Variants in WDR70 observed in about 807,000 individuals in gnomAD.
WDR70 encodes WD repeat-containing protein 70.
Under a neutral mutation model 88.6 loss-of-function variants are expected in WDR70, and 53 were observed. The ratio of observed to expected loss-of-function variants is 0.60; its 90% CI spans 0.48 to 0.75. The LOEUF is 0.75. WDR70 is among the 30% of genes least tolerant of loss of function. The pLI is 0.00. For synonymous variants in WDR70, 280 were observed against 270.0 expected (o/e 1.04, Z -0.36); for missense variants, 610 against 823.2 (o/e 0.74, Z 3.17).
At chr5:37,499,299 A>G (rs1372415106) in intron 8 of WDR70, among the ~76,000 whole-genome samples, 3 of 151,828 alleles carry the variant, frequency 2.0e-5, no homozygotes, top group East Asian at 3.9e-4. Flanking sequence ...TTTTTAGTAG[A>G]GATGGGGTTT....
At chr5:37,388,055 AT>A (rs944094577) in intron 3 of WDR70, among the ~76,000 whole-genome samples, 14 of 151,946 alleles carry the variant, frequency 9.2e-5, no homozygotes, top group East Asian at 1.9e-4. Flanking sequence ...AATGGTACAA[AT>A]TTTTTTTAAT....
chr5:37,535,970 T>C (rs184340293), intron 9 of WDR70, among the ~76,000 whole-genome samples: 7 of 152,282 alleles, frequency 4.6e-5, no homozygotes, highest in Admixed American at 3.9e-4. Context: ...AAGATGCAAA[T>C]CTCTTTTATA....
At chr5:37,682,632 G>A (rs943593106) in intron 10 of WDR70, among the ~76,000 whole-genome samples, 6 of 151,292 alleles carry the variant, frequency 4.0e-5, no homozygotes, top group Non-Finnish European at 5.9e-5. Flanking sequence ...GTTGTATCTC[G>A]TTAGTTTCAA....
chr5:37,718,830 G>A (rs951809279), intron 13 of WDR70, among the ~76,000 whole-genome samples: 1 of 152,156 alleles, frequency 6.6e-6, no homozygotes, highest in African/African-American at 2.4e-5. Context: ...CTTGGGATAT[G>A]TTGCCAAACA....
At chr5:37,747,313 A>G (rs1261526257) in intron 17 of WDR70, among the ~76,000 whole-genome samples, 1 of 152,174 alleles carries the variant, frequency 6.6e-6, no homozygotes, top group Non-Finnish European at 1.5e-5. Context: ...AAATAAAACC[A>G]CGAGATACCA....
At chr5:37,696,786 G>A (rs1746995648) in intron 10 of WDR70, among the ~76,000 whole-genome samples, 2 of 152,182 alleles carry the variant, frequency 1.3e-5, no homozygotes, top group South Asian at 4.1e-4. Flanking sequence ...ACTTTTTGAG[G>A]TAATTGACTT....
At chr5:37,444,334 C>A (rs1219067767) in intron 7 of WDR70, among the ~76,000 whole-genome samples, 3 of 54,666 alleles carry the variant, frequency 5.5e-5, no homozygotes, top group African/African-American at 1.3e-4. Flanking sequence ...GCCAGCCTTT[C>A]TCTTTTTTTT....
chr5:37,628,783 T>C (rs1021471790), intron 10 of WDR70, among the ~76,000 whole-genome samples: 3 of 152,254 alleles, frequency 2.0e-5, no homozygotes, highest in African/African-American at 7.2e-5. Flanking sequence ...CCCTTACTTA[T>C]CATTTTTATG....
intron 17 of WDR70, among the ~76,000 whole-genome samples, chr5:37,751,317 A>G (rs573025010): frequency 8.1e-4 from 123 of 152,382 alleles, no homozygotes; most frequent in Admixed American, 2.4e-3. Flanking sequence ...TATAGATATC[A>G]TAACAGTGTC....
chr5:37,615,348 G>C lies in WDR70; in HGVS notation c.1092+10110G>C, dbSNP rs1009632640. Among the ~76,000 whole-genome samples the C allele has an allele frequency of 3.4e-4, 51 of 152,200 alleles. 1 individual carries two copies. On this transcript the variant is annotated intron_variant, in intron 10 of 17. Coordinates refer to ENST00000265107, the MANE Select transcript of WDR70 (RefSeq NM_018034.4). ...GGACTCATCTGGAAAGAATGAAAAA[G>C]ACGCACACCAAGCCATGCGTCATGA...
intron 17 of WDR70, among the ~76,000 whole-genome samples, chr5:37,728,839 C>CT (rs1284856513): frequency 6.6e-6 from 1 of 152,126 alleles, no homozygotes; most frequent in Non-Finnish European, 1.5e-5. Flanking sequence ...ATGAATTTGC[C>CT]TATAACAGTT....
Position 37,446,557 on chromosome 5 carries a change from A to C in WDR70, c.686+3185A>C, listed in dbSNP as rs1161170702. Among the ~76,000 whole-genome samples the C allele has an allele frequency of 2.6e-5, 4 of 152,380 alleles. No individual in the cohort carries two copies. In the South Asian group the frequency reaches 6.2e-4, roughly 24 times the overall value. ...TCAAACTATACTACAAGGCTACAGG[A>C]ACCAAAACGGCATGGTACTGGTACC... On this transcript the variant is annotated intron_variant, in intron 7 of 17. Transcript: ENST00000265107.
intron 8 of WDR70, among the ~76,000 whole-genome samples, chr5:37,480,388 A>G (rs569189670): frequency 3.3e-5 from 5 of 152,124 alleles, no homozygotes; most frequent in Non-Finnish European, 7.4e-5. Context: ...TCATGCTGCT[A>G]ATAATGACCT....
intron 10 of WDR70, among the ~76,000 whole-genome samples, chr5:37,668,908 T>C (rs975497570): frequency 6.6e-6 from 1 of 152,214 alleles, no homozygotes; most frequent in African/African-American, 2.4e-5. Flanking sequence ...GTGGTTGCAA[T>C]AGTGAACCTG....
rs567530280 is a variant in WDR70 at position 37,457,964 on chromosome 5, G to C, written c.686+14592G>C. Among the ~76,000 whole-genome samples the C allele has an allele frequency of 1.3e-3, 186 of 147,102 alleles. 2 individuals carry two copies. The highest frequency in any genetic ancestry group is 4.5e-3 in the African/African-American group (178 of 39,520). On this transcript the variant is annotated intron_variant, in intron 7 of 17. Coordinates refer to ENST00000265107, the MANE Select transcript of WDR70 (RefSeq NM_018034.4). ...TCAGTATGATATTGGCTGTGGGTTT[G>C]TCATAGATAGCTCTTATTATTTTGA... is the stretch of plus-strand genomic sequence containing the variant.
chr5:37,657,106 A>G (rs1209583519), intron 10 of WDR70, among the ~76,000 whole-genome samples: 2 of 152,076 alleles, frequency 1.3e-5, no homozygotes, highest in Non-Finnish European at 2.9e-5. Context: ...TTGTGCTTGA[A>G]ACTTAGGGCC....
At chr5:37,752,395 A>T (rs2973079) in intron 17 of WDR70, 91 bp from the exon 18 acceptor site, 1 of 839,858 alleles carries the variant, frequency 1.2e-6, no homozygotes, top group South Asian at 1.6e-5. Flanking sequence ...TATTCCCCAC[A>T]TTTGCTCCCA....
At chr5:37,722,757 G>A in intron 14 of WDR70, 98 bp from the exon 15 acceptor site, 2 of 1,087,146 alleles carry the variant, frequency 1.8e-6, no homozygotes, top group African/African-American at 1.6e-5. Flanking sequence ...TGGAGTGCAT[G>A]CACAGAGTAT....
intron 10 of WDR70, among the ~76,000 whole-genome samples, chr5:37,616,140 A>T (rs982374089): frequency 5.3e-5 from 8 of 151,218 alleles, no homozygotes; most frequent in Admixed American, 6.6e-5. Flanking sequence ...TTTTTTTTTG[A>T]CACAGGGTCT....
Sources: allele counts gnomAD v4.1 joint callset (sites outside exome capture counted in the v4.1 genomes callset), GRCh38; gene constraint gnomAD v4.1.1; transcripts MANE v1.5; gene names NCBI Gene and HGNC (gene_info 2026-07-23, HGNC 2026-07-21).